The following FHIT variants were observed in gnomAD, a reference collection of about 807,000 sequenced individuals.
The protein encoded by FHIT is fragile histidine triad diadenosine triphosphatase.
In FHIT, 19 loss-of-function variants were observed where a neutral mutation model predicts 17.9. The observed-to-expected ratio is 1.06, with a 90% CI of 0.74 to 1.56. FHIT has a LOEUF of 1.56. Among genes scored for constraint, FHIT ranks in the 40% most tolerant of loss-of-function variants. FHIT has a pLI of 0.00. For missense variants in FHIT, 248 were observed against 189.2 expected, an observed-to-expected ratio of 1.31 and a Z score of -1.82; for synonymous variants, 81 against 69.7, an observed-to-expected ratio of 1.16 and a Z score of -0.81.
At chr3:60,779,071 A>G (rs1435004220) in intron 4 of FHIT, among the ~76,000 whole-genome samples, 1 of 152,200 alleles carries the variant, frequency 6.6e-6, no homozygotes, top group African/African-American at 2.4e-5. Flanking sequence ...TGTGGAAAAC[A>G]TTTCCATCAG....
Position 59,783,957 on chromosome 3 carries a change from C to A in FHIT, c.349-31636G>T, listed in dbSNP as rs546336532. 2.0e-5 allele frequency among the ~76,000 whole-genome samples: 3 copies of A among 152,248 alleles called. No homozygotes were observed. In the South Asian group the frequency reaches 6.2e-4, roughly 32 times the overall value. On this transcript the variant is annotated intron_variant, in intron 8 of 9. Coordinates refer to ENST00000492590, the MANE Select transcript of FHIT (RefSeq NM_002012.4). ...CTGAGTCATGTGAATGAACTAGAAACCTTAAATAGGAAGTCAGAAGGGAAG... is the reference window on the plus strand; with the variant it reads ...CTGAGTCATGTGAATGAACTAGAAAACTTAAATAGGAAGTCAGAAGGGAAG...
At chr3:60,592,104 G>A (rs1553664522) in intron 4 of FHIT, among the ~76,000 whole-genome samples, 1 of 150,802 alleles carries the variant, frequency 6.6e-6, no homozygotes. Context: ...CAAATTAGAA[G>A]CTATATGTAT....
At chr3:60,731,258 C>T (rs1425096383) in intron 4 of FHIT, among the ~76,000 whole-genome samples, 1 of 152,154 alleles carries the variant, frequency 6.6e-6, no homozygotes, top group East Asian at 1.9e-4. Flanking sequence ...TCTGCAGCAA[C>T]CTCAGTTCTT....
At chr3:59,798,486 TAC>T (rs1414719314) in intron 8 of FHIT, among the ~76,000 whole-genome samples, 1 of 152,208 alleles carries the variant, frequency 6.6e-6, no homozygotes. Flanking sequence ...GCTGCTTGGG[TAC>T]CTACAACTCT....
intron 4 of FHIT, among the ~76,000 whole-genome samples, chr3:60,545,842 C>T (rs2036342232): frequency 9.3e-6 from 1 of 107,866 alleles, no homozygotes; most frequent in South Asian, 4.1e-4. Flanking sequence ...ATACATGAGA[C>T]ATCAAATTGT....
At chr3:60,095,693 G>A (rs1026196913) in intron 5 of FHIT, among the ~76,000 whole-genome samples, 1 of 152,174 alleles carries the variant, frequency 6.6e-6, no homozygotes, top group African/African-American at 2.4e-5. Context: ...CGGCCTCATT[G>A]TAAGTTAAAG....
intron 2 of FHIT, among the ~76,000 whole-genome samples, chr3:61,112,688 T>C (rs2036193932): frequency 6.6e-6 from 1 of 152,058 alleles, no homozygotes; most frequent in Admixed American, 6.6e-5. Context: ...GCAATAAGAA[T>C]TTGTTTAGCT....
At chr3:60,828,683 G>C (rs1441078370) in intron 3 of FHIT, among the ~76,000 whole-genome samples, 1 of 152,120 alleles carries the variant, frequency 6.6e-6, no homozygotes, top group Non-Finnish European at 1.5e-5. Flanking sequence ...TTTGAGACCA[G>C]CCTGACCAAC....
At chr3:60,314,756 G>A (rs1709093962) in intron 5 of FHIT, among the ~76,000 whole-genome samples, 2 of 152,112 alleles carry the variant, frequency 1.3e-5, no homozygotes, top group South Asian at 2.1e-4. Context: ...CCTTCTCCCT[G>A]AGTAAGGTGG....
chr3:61,121,442 C>T (rs536314102), intron 2 of FHIT, among the ~76,000 whole-genome samples: 22 of 152,246 alleles, frequency 1.4e-4, no homozygotes, highest in African/African-American at 5.3e-4. Flanking sequence ...CAACATTTAA[C>T]ATTCTTAAAG....
At chr3:60,643,013 T>C (rs1431439246) in intron 4 of FHIT, among the ~76,000 whole-genome samples, 1 of 152,204 alleles carries the variant, frequency 6.6e-6, no homozygotes, top group Admixed American at 6.5e-5. Context: ...CTGTTTGATA[T>C]TGTCTATCTC....
At position 60,213,075 on chromosome 3, in the gene FHIT, G is replaced by A. The variant is rs1026481804; in HGVS notation, c.104-198923C>T. ...TATGGTAGCTTCATTGGTTTATTGCGTTGATTATTCAAGATTCCTTGGCTG... is the reference window on the plus strand; with the variant it reads ...TATGGTAGCTTCATTGGTTTATTGCATTGATTATTCAAGATTCCTTGGCTG... On this transcript the variant is annotated intron_variant, in intron 5 of 9. Coordinates refer to ENST00000492590, the MANE Select transcript of FHIT (RefSeq NM_002012.4). Among the ~76,000 whole-genome samples, 61 of 152,248 alleles carry A rather than the reference G, an allele frequency of 4.0e-4. 1 individual carries two copies. The highest frequency in any genetic ancestry group is 3.1e-3 in the Admixed American group (47 of 15,282).
intron 3 of FHIT, among the ~76,000 whole-genome samples, chr3:60,858,364 C>T (rs1441785757): frequency 2.0e-5 from 3 of 152,114 alleles, no homozygotes; most frequent in Admixed American, 1.3e-4. Flanking sequence ...TGTGCTATAA[C>T]ATGGTCAAAG....
chr3:60,248,648 G>A (rs1705528236), intron 5 of FHIT, among the ~76,000 whole-genome samples: 1 of 152,134 alleles, frequency 6.6e-6, no homozygotes, highest in African/African-American at 2.4e-5. Flanking sequence ...ACTTAAGATA[G>A]GGTGCCAAAA....
intron 4 of FHIT, among the ~76,000 whole-genome samples, chr3:60,781,187 A>C (rs1700377213): frequency 6.6e-6 from 1 of 152,116 alleles, no homozygotes; most frequent in Admixed American, 6.5e-5. Context: ...ATAGTTTAAT[A>C]CTTTAAAAAA....
At chr3:60,015,923 A>G (rs1323691879) in intron 5 of FHIT, among the ~76,000 whole-genome samples, 1 of 152,240 alleles carries the variant, frequency 6.6e-6, no homozygotes, top group African/African-American at 2.4e-5. Context: ...TAGAAAAACA[A>G]CTCAGGGAAA....
intron 5 of FHIT, among the ~76,000 whole-genome samples, chr3:60,441,019 G>A (rs987155227): frequency 1.3e-5 from 2 of 152,014 alleles, no homozygotes; most frequent in Non-Finnish European, 2.9e-5. Flanking sequence ...ATCCTTTCTT[G>A]GAAATCAGCA....
chr3:59,834,102 C>A (rs1307786273), intron 8 of FHIT, among the ~76,000 whole-genome samples: 2 of 152,104 alleles, frequency 1.3e-5, no homozygotes, highest in African/African-American at 4.8e-5. Flanking sequence ...CACACAATAT[C>A]CAGAGACACA....
intron 5 of FHIT, among the ~76,000 whole-genome samples, chr3:60,497,127 G>C (rs1297330339): frequency 6.6e-6 from 1 of 151,894 alleles, no homozygotes; most frequent in Non-Finnish European, 1.5e-5. Flanking sequence ...AGGGGGCATG[G>C]TATTGTATCT....
Sources: allele counts gnomAD v4.1 joint callset (sites outside exome capture counted in the v4.1 genomes callset), GRCh38; gene constraint gnomAD v4.1.1; transcripts MANE v1.5; gene names NCBI Gene and HGNC (gene_info 2026-07-23, HGNC 2026-07-21).